The following KMT5B variants were observed in gnomAD, a reference collection of about 807,000 sequenced individuals.
KMT5B encodes the protein histone-lysine N-methyltransferase KMT5B.
In KMT5B, 10 loss-of-function variants were observed where a neutral mutation model predicts 83.2. The ratio of observed to expected loss-of-function variants is 0.12; its 90% CI spans 0.07 to 0.20. KMT5B has a LOEUF of 0.20. Among genes scored for constraint, KMT5B ranks in the 10% least tolerant of loss-of-function variants. The pLI is 1.00. For synonymous variants in KMT5B, 349 were observed against 388.8 expected (o/e 0.90, Z 1.20); for missense variants, 753 against 1,067.2 (o/e 0.71, Z 4.10).
chr11:68,176,958 T>C (rs879550748), intron 4 of KMT5B, among the ~76,000 whole-genome samples: 1 of 152,224 alleles, frequency 6.6e-6, no homozygotes, highest in Non-Finnish European at 1.5e-5. Context: ...AGGTAAGATC[T>C]AGCACAAACT....
intron 1 of KMT5B, among the ~76,000 whole-genome samples, chr11:68,210,377 A>G (rs1591093117): frequency 6.6e-6 from 1 of 152,314 alleles, no homozygotes. Context: ...GATTAGAGAG[A>G]TGTCAAAATA....
chr11:68,162,808 G>C (rs1565217614), intron 10 of KMT5B, among the ~76,000 whole-genome samples: 1 of 152,066 alleles, frequency 6.6e-6, no homozygotes, highest in Non-Finnish European at 1.5e-5. Flanking sequence ...AATTTTGTTT[G>C]AAAAGCATTA....
In KMT5B at chr11:68,199,720, T is replaced by C. The variant is rs118186456; in HGVS notation, c.-76-9568A>G. 2.3e-3 allele frequency among the ~76,000 whole-genome samples: 348 copies of C among 152,298 alleles called. 2 individuals are homozygous for C. The highest frequency in any genetic ancestry group is 6.8e-3 in the Middle Eastern group (2 of 294). On this transcript the variant is annotated intron_variant, in intron 1 of 10. Coordinates refer to ENST00000304363, the MANE Select transcript of KMT5B (RefSeq NM_017635.5). ...GAATGCAGGGAGACGTTATTAGTAGTAGTAGTCTATTTACTAACTGACTAC... is the reference window on the plus strand; with the variant it reads ...GAATGCAGGGAGACGTTATTAGTAGCAGTAGTCTATTTACTAACTGACTAC...
intron 1 of KMT5B, among the ~76,000 whole-genome samples, chr11:68,197,926 A>C (rs1231075304): frequency 6.6e-6 from 1 of 152,224 alleles, no homozygotes; most frequent in African/African-American, 2.4e-5. Context: ...CTATTTAAAA[A>C]AATTTTCAGC....
intron 4 of KMT5B, among the ~76,000 whole-genome samples, chr11:68,177,718 T>C (rs751033117): frequency 9.2e-5 from 14 of 152,206 alleles, no homozygotes; most frequent in Non-Finnish European, 1.8e-4. Flanking sequence ...TCAATTGGTA[T>C]ACAAGCCTTT....
chr11:68,177,452 C>G (rs1365602383), intron 4 of KMT5B, among the ~76,000 whole-genome samples: 2 of 151,980 alleles, frequency 1.3e-5, no homozygotes, highest in African/African-American at 4.8e-5. Flanking sequence ...AAGTAAAGTA[C>G]CAGAATCAGG....
In KMT5B at chr11:68,159,061, G is replaced by T; in HGVS notation, c.1285C>A (p.Leu429Ile). ...PASSNSTSSK[L>I]THINNSRVPK... ...ACCCTGGAATTATTTATATGAGTTA[G>T]CTTAGATGAGGTAGAGTTGGAAGAA... The change falls in exon 11 of 11, where the codon CTA becomes ATA. Residue 429 changes from leucine (L) to isoleucine (I), a missense_variant. Transcript: ENST00000304363. 1.2e-6 allele frequency: 2 copies of T among 1,612,930 alleles called. No individual in the cohort carries two copies. The highest frequency in any genetic ancestry group is 1.7e-5 in the Admixed American group (1 of 59,730).
chr11:68,185,746 C>T, intron 3 of KMT5B, 35 bp downstream of exon 3: 1 of 1,579,702 alleles, frequency 6.3e-7, no homozygotes, highest in African/African-American at 1.4e-5. Flanking sequence ...TCAACATAAT[C>T]ATCTGTTCCA....
At chr11:68,192,425 T>A (rs1858193913) in intron 1 of KMT5B, among the ~76,000 whole-genome samples, 1 of 152,212 alleles carries the variant, frequency 6.6e-6, no homozygotes, top group South Asian at 2.1e-4. Context: ...TCTGACTTGT[T>A]CCTTGCTTGT....
At chr11:68,208,782 C>CT (rs1402815842) in intron 1 of KMT5B, among the ~76,000 whole-genome samples, 1 of 152,014 alleles carries the variant, frequency 6.6e-6, no homozygotes. Context: ...GCCCAGGAGA[C>CT]TAAGGCTGCA....
chr11:68,206,451 G>A lies in KMT5B; in HGVS notation c.-77+6687C>T, dbSNP rs556711693. On this transcript the variant is annotated intron_variant, in intron 1 of 10. Transcript: ENST00000304363. ...CCAAAAGGTGGTTCTTGGGCTGGACGTTAGAGGCCACTTTGAGTTTGCCAG... is the reference window on the plus strand; with the variant it reads ...CCAAAAGGTGGTTCTTGGGCTGGACATTAGAGGCCACTTTGAGTTTGCCAG... 1.7e-4 allele frequency among the ~76,000 whole-genome samples: 26 copies of A among 152,308 alleles called. No homozygotes were observed. In the East Asian group the frequency reaches 4.8e-3, roughly 28 times the overall value.
chr11:68,181,117 C>T (rs1008398677), intron 3 of KMT5B, among the ~76,000 whole-genome samples: 3 of 151,108 alleles, frequency 2.0e-5, no homozygotes, highest in Admixed American at 2.0e-4. Context: ...CTCTGTTGCC[C>T]AGGCTGGAGT....
chr11:68,213,314 C>G (rs970601022), upstream of KMT5B: 1 of 147,942 alleles, frequency 6.8e-6, no homozygotes, highest in Non-Finnish European at 1.5e-5. Flanking sequence ...CGGGCCGCAG[C>G]ACCGCTCGCT....
intron 10 of KMT5B, 95 bp downstream of exon 10, chr11:68,166,887 T>A: frequency 1.3e-6 from 2 of 1,526,368 alleles, no homozygotes; most frequent in Non-Finnish European, 1.8e-6. Context: ...TCTCTCTGAG[T>A]ATTTAAAAGT....
chr11:68,210,417 G>A (rs908157351), intron 1 of KMT5B, among the ~76,000 whole-genome samples: 3 of 152,202 alleles, frequency 2.0e-5, no homozygotes, highest in African/African-American at 7.2e-5. Flanking sequence ...GAGAAAATAG[G>A]ATGGCAGTGA....
intron 1 of KMT5B, among the ~76,000 whole-genome samples, 192 bp downstream of exon 1, chr11:68,212,935 AGGCCCCGCGCC>A (rs1358450466): frequency 1.4e-3 from 200 of 140,882 alleles, no homozygotes; most frequent in African/African-American, 4.8e-3. Flanking sequence ...CCACCACTGC[AGGCCCCGCGCC>A]GGCCCCGCAC....
Position 68,171,642 on chromosome 11 carries a change from T to C in KMT5B, c.721A>G (p.Met241Val). ...TCGTTTTCTCCATGTCTAAGTAGCA[T>C]GTTCTCCTCAATTTCTGAAAGTTCG... ...IAELSEIEENMLLRHGENDFS... is the reference protein window; with the variant it reads ...IAELSEIEENVLLRHGENDFS... Residue 241 changes from methionine to valine, a missense_variant, in exon 7 of 11, where the codon ATG becomes GTG. Around this residue, in one of 9 missense-constraint regions of KMT5B, gnomAD observed 34 missense variants for 172.5 expected, o/e 0.20. Coordinates refer to ENST00000304363, the MANE Select transcript of KMT5B (RefSeq NM_017635.5). This position sits in a 1 kb window ranked among gnomAD's most constrained non-coding sequence, Gnocchi z 5.1. 1.2e-6 allele frequency: 2 copies of C among 1,614,034 alleles called. No individual in the cohort carries two copies. Among genetic ancestry groups the C allele is most frequent in the African/African-American group, 1.3e-5 (1 of 75,058 alleles).
chr11:68,191,144 A>G (rs1591024077), intron 1 of KMT5B, among the ~76,000 whole-genome samples: 1 of 148,784 alleles, frequency 6.7e-6, no homozygotes, highest in Non-Finnish European at 1.5e-5. Context: ...TAGAGGCAGG[A>G]GCCACCACAT....
chr11:68,213,405 C>A (rs1010759797), upstream of KMT5B: 1 of 147,010 alleles, frequency 6.8e-6, no homozygotes, highest in African/African-American at 2.5e-5. Context: ...GCCGTCGCGC[C>A]CCCCGCGCCC....
Sources: gnomAD v4.1 joint callset for allele counts (sites outside exome capture counted in the v4.1 genomes callset) on GRCh38, gnomAD v4.1.1 for gene constraint, gnomAD v4.1.1 regional missense constraint, Gnocchi (gnomAD v3.1) non-coding constraint, MANE v1.5 for transcripts, NCBI Gene and HGNC (gene_info 2026-07-23, HGNC 2026-07-21) for gene names.